Variants in DDX60L observed in about 807,000 individuals in gnomAD.
DDX60L encodes probable ATP-dependent RNA helicase DDX60-like.
Under a neutral mutation model 211.6 loss-of-function variants are expected in DDX60L, and 191 were observed. The ratio of observed to expected loss-of-function variants is 0.90; its 90% CI spans 0.80 to 1.02. The LOEUF (loss-of-function observed/expected upper bound fraction) is 1.02, where lower values mean the gene tolerates loss of function less well. Ranked by LOEUF, DDX60L falls within the 50% of genes least tolerant of loss-of-function variation. The pLI, the probability that DDX60L is intolerant of heterozygous loss-of-function variation, is 0.00. For missense variants in DDX60L, 2,007 were observed against 1,984.1 expected, an observed-to-expected ratio of 1.01 and a Z score of -0.22; for synonymous variants, 706 against 694.1, an observed-to-expected ratio of 1.02 and a Z score of -0.27.
intron 24 of DDX60L, 119 bp downstream of exon 24, chr4:168,405,831 A>T: frequency 9.1e-7 from 1 of 1,096,832 alleles, no homozygotes; most frequent in Non-Finnish European, 1.3e-6. Context: ...GTTTAAATGG[A>T]ATTACTAAAA....
chr4:168,452,438 A>T, intron 8 of DDX60L, among the ~76,000 whole-genome samples: 1 of 152,236 alleles, frequency 6.6e-6, no homozygotes, highest in East Asian at 1.9e-4. Flanking sequence ...TAGCCATAAA[A>T]ATTATGCTAA....
chr4:168,465,487 T>G (rs936582622), intron 4 of DDX60L, among the ~76,000 whole-genome samples: 4 of 152,162 alleles, frequency 2.6e-5, no homozygotes, highest in Non-Finnish European at 5.9e-5. Context: ...GTGCGGAAAC[T>G]TTTTAGTTTG....
chr4:168,440,616 A>G (rs1006449285), intron 10 of DDX60L, among the ~76,000 whole-genome samples: 5 of 152,072 alleles, frequency 3.3e-5, no homozygotes, highest in African/African-American at 1.2e-4. Flanking sequence ...CCCTTCCCCC[A>G]GCTAACTATT....
At chr4:168,473,566 A>G (rs567445055) in intron 1 of DDX60L, among the ~76,000 whole-genome samples, 1 of 152,240 alleles carries the variant, frequency 6.6e-6, no homozygotes, top group African/African-American at 2.4e-5. Context: ...AGATCCTAGC[A>G]AGGACAGGAG....
intron 4 of DDX60L, 142 bp downstream of exon 4, chr4:168,471,605 T>C (rs1010256686): frequency 5.1e-6 from 3 of 586,394 alleles, no homozygotes; most frequent in South Asian, 3.4e-5. Context: ...AGTGAAATTA[T>C]GGGTAATTTT....
intron 37 of DDX60L, among the ~76,000 whole-genome samples, chr4:168,358,524 C>CTTT (rs70961514): frequency 1.3e-4 from 14 of 108,276 alleles, no homozygotes; most frequent in Non-Finnish European, 2.3e-4. Context: ...TTTTCTTTTT[C>CTTT]TTTTTTTTTT....
intron 30 of DDX60L, among the ~76,000 whole-genome samples, chr4:168,384,148 G>C (rs1029257060): frequency 6.6e-6 from 1 of 152,048 alleles, no homozygotes; most frequent in African/African-American, 2.4e-5. Flanking sequence ...CTTGCAGATG[G>C]CCTATTATGG....
At chr4:168,417,134 T>C (rs1011490629) in intron 19 of DDX60L, among the ~76,000 whole-genome samples, 1 of 152,192 alleles carries the variant, frequency 6.6e-6, no homozygotes, top group African/African-American at 2.4e-5. Context: ...TTCTCTATAC[T>C]TTCTTCACAT....
chr4:168,361,921 ACATTTTGAAGGCCAGTAGC>A (rs1257291701), intron 36 of DDX60L, among the ~76,000 whole-genome samples: 1 of 152,220 alleles, frequency 6.6e-6, no homozygotes, highest in African/African-American at 2.4e-5. Flanking sequence ...TGGCATGATG[ACATTTTGAAGGCCAGTAGC>A]CAATCTCTCT....
intron 8 of DDX60L, among the ~76,000 whole-genome samples, chr4:168,449,525 T>A (rs1427339184): frequency 1.5e-5 from 2 of 130,524 alleles, no homozygotes; most frequent in African/African-American, 3.0e-5. Context: ...AGATGACACG[T>A]TAGTGGGTGC....
chr4:168,430,612 C>T lies in DDX60L; in HGVS notation c.1543G>A (p.Asp515Asn). 1 of 1,571,532 alleles carries T rather than the reference C, an allele frequency of 6.4e-7. No homozygotes were observed. Among genetic ancestry groups the T allele is most frequent in the South Asian group, 1.2e-5 (1 of 84,520 alleles). The change falls in exon 13 of 38, where the codon GAT (aspartate) becomes AAT (asparagine). Residue 515 changes from aspartate to asparagine, a missense_variant. Physicochemically the swap from Asp to Asn is conservative, Grantham distance 23. Coordinates refer to ENST00000682922, the MANE Select transcript of DDX60L (RefSeq NM_001012967.3). The stretch of plus-strand genomic sequence containing the variant: ...TAATCCTGAATCTTTTTCAGGAAAT[C>T]AAGAACATGAGGATCTCTAGATTGT... Reference protein sequence around the residue: ...DEQSRDPHVLDFLKKIQDYQQ... With the variant: ...DEQSRDPHVLNFLKKIQDYQQ...
At chr4:168,429,001 G>A (rs1561054479) in intron 13 of DDX60L, among the ~76,000 whole-genome samples, 1 of 152,084 alleles carries the variant, frequency 6.6e-6, no homozygotes, top group Non-Finnish European at 1.5e-5. Flanking sequence ...CAAAAGTCCA[G>A]GACAGATTAA....
chr4:168,425,894 A>T (rs745607605), intron 14 of DDX60L, among the ~76,000 whole-genome samples: 3 of 152,232 alleles, frequency 2.0e-5, no homozygotes, highest in Non-Finnish European at 4.4e-5. Flanking sequence ...CCATATGAAG[A>T]CGTAATACCT....
intron 4 of DDX60L, among the ~76,000 whole-genome samples, chr4:168,463,904 T>G (rs1373234850): frequency 6.6e-6 from 1 of 152,198 alleles, no homozygotes; most frequent in African/African-American, 2.4e-5. Context: ...TTAAAAACCA[T>G]AGTATAATAC....
chr4:168,459,316 T>A (rs1398523187), intron 5 of DDX60L, among the ~76,000 whole-genome samples: 3 of 151,754 alleles, frequency 2.0e-5, no homozygotes, highest in South Asian at 4.2e-4. Context: ...CGAGACCCTA[T>A]ATAAATAAAT....
intron 9 of DDX60L, 51 bp from the exon 10 acceptor site, chr4:168,441,543 C>T: frequency 7.1e-7 from 1 of 1,416,970 alleles, no homozygotes; most frequent in East Asian, 2.3e-5. Context: ...CACATGCAGA[C>T]ACACACAGAG....
intron 30 of DDX60L, among the ~76,000 whole-genome samples, chr4:168,382,783 A>G (rs1743189071): frequency 1.3e-5 from 2 of 152,188 alleles, no homozygotes. Context: ...AGGAAAAAGT[A>G]AAAATCAACA....
chr4:168,432,753 C>T (rs1252313387), intron 11 of DDX60L, among the ~76,000 whole-genome samples, 183 bp from the exon 12 acceptor site: 1 of 151,512 alleles, frequency 6.6e-6, no homozygotes, highest in Non-Finnish European at 1.5e-5. Context: ...GTCACATCCA[C>T]ATCAACAACA....
chr4:168,422,772 C>G (rs1490817562), intron 15 of DDX60L, 102 bp from the exon 16 acceptor site: 1 of 929,850 alleles, frequency 1.1e-6, no homozygotes, highest in South Asian at 1.8e-5. Context: ...GGCATTTTTA[C>G]TACACTTTTT....
Sources: allele counts gnomAD v4.1 joint callset (sites outside exome capture counted in the v4.1 genomes callset), GRCh38; gene constraint gnomAD v4.1.1; transcripts MANE v1.5; gene names NCBI Gene and HGNC (gene_info 2026-07-23, HGNC 2026-07-21).